The following CCDC171 variants were observed in gnomAD, a reference collection of about 807,000 sequenced individuals.
CCDC171 encodes coiled-coil domain-containing protein 171.
In CCDC171, 177 loss-of-function variants were observed where a neutral mutation model predicts 168.2. That is an observed-to-expected ratio of 1.05 (90% CI 0.93 to 1.19). The LOEUF (loss-of-function observed/expected upper bound fraction) is 1.19. CCDC171 is among the 50% of genes most tolerant of loss of function. CCDC171 has a pLI of 0.00. For missense variants in CCDC171, 1,991 were observed against 1,539.0 expected, an observed-to-expected ratio of 1.29 and a Z score of -4.91; for synonymous variants, 687 against 540.8, an observed-to-expected ratio of 1.27 and a Z score of -3.75.
At chr9:16,094,635 C>T in the CCDC171 span, among the ~76,000 whole-genome samples, 2 of 152,130 alleles carry the variant, frequency 1.3e-5, no homozygotes, top group Admixed American at 6.5e-5. Context: ...GAGTTTTCTC[C>T]TCAAGAGTGG....
At chr9:15,689,328 G>A (rs897471614) in intron 10 of CCDC171, among the ~76,000 whole-genome samples, 4 of 152,118 alleles carry the variant, frequency 2.6e-5, no homozygotes, top group Admixed American at 2.6e-4. Flanking sequence ...TTGACTTTTT[G>A]GAAGACAGCT....
the CCDC171 span, among the ~76,000 whole-genome samples, chr9:16,093,280 C>T: frequency 1.3e-5 from 2 of 152,170 alleles, no homozygotes; most frequent in Non-Finnish European, 1.5e-5. Flanking sequence ...TTATCCTGAC[C>T]TGGTGGAGTC....
At chr9:15,655,102 C>T (rs935340365) in intron 7 of CCDC171, among the ~76,000 whole-genome samples, 5 of 151,848 alleles carry the variant, frequency 3.3e-5, no homozygotes, top group African/African-American at 1.2e-4. Context: ...TTAATGGGTG[C>T]AGCACACCAA....
At chr9:15,746,768 A>G (rs2055317829) in intron 18 of CCDC171, among the ~76,000 whole-genome samples, 1 of 152,150 alleles carries the variant, frequency 6.6e-6, no homozygotes, top group South Asian at 2.1e-4. Context: ...GGTGCAGCCC[A>G]CGGAGGGTGA....
chr9:15,812,451 A>G (rs2059396881), intron 21 of CCDC171, among the ~76,000 whole-genome samples: 1 of 152,082 alleles, frequency 6.6e-6, no homozygotes, highest in Admixed American at 6.6e-5. Context: ...TGTGCTAAAA[A>G]CCCCACAAGT....
intron 18 of CCDC171, among the ~76,000 whole-genome samples, chr9:15,775,824 AAAG>A (rs1394071248): frequency 6.6e-6 from 1 of 152,214 alleles, no homozygotes; most frequent in Non-Finnish European, 1.5e-5. Context: ...ATGGAAATAA[AAAG>A]AAATATAATT....
At chr9:15,621,684 A>G (rs897518638) in intron 6 of CCDC171, among the ~76,000 whole-genome samples, 7 of 152,230 alleles carry the variant, frequency 4.6e-5, no homozygotes, top group Non-Finnish European at 8.8e-5. Flanking sequence ...ATTGGCAGGA[A>G]TGTAAGTTCA....
Position 15,850,841 on chromosome 9 carries a change from A to G in CCDC171, c.3468+1894A>G, listed in dbSNP as rs986834052. 2.6e-5 allele frequency among the ~76,000 whole-genome samples: 4 copies of G among 152,072 alleles called. No individual in the cohort carries two copies. In the South Asian group the frequency reaches 8.3e-4, roughly 31 times the overall value. Reference sequence around the variant, plus strand: ...ATGAAACAAAGAGTAGTATGGAAGGAGGGTCCAGGCTCTTTCATGGGATGG... The same window carrying G: ...ATGAAACAAAGAGTAGTATGGAAGGGGGGTCCAGGCTCTTTCATGGGATGG... On this transcript the variant is annotated intron_variant, in intron 23 of 25. Coordinates refer to ENST00000380701, the MANE Select transcript of CCDC171 (RefSeq NM_173550.4).
rs146608101 is a variant in CCDC171, at chr9:16,001,146, G to C, written n.369-19443G>C. Among the ~76,000 whole-genome samples, 258 of 152,254 alleles carry C rather than the reference G, an allele frequency of 1.7e-3. 2 individuals are homozygous for C. The highest frequency in any genetic ancestry group is 5.8e-3 in the African/African-American group (240 of 41,548). On this transcript the variant is annotated intron_variant and non_coding_transcript_variant, in intron 3 of 9. Coordinates refer to the CCDC171 transcript ENST00000486641. ...AAGGGCCTCACCTTTTCAGGATTCA[G>C]TTGCCTAGAAAATCAAGATAGGAAC... is the stretch of plus-strand genomic sequence containing the variant.
chr9:15,784,764 A>G lies in CCDC171; in HGVS notation c.3267+70A>G, dbSNP rs1047001225. The G allele has an allele frequency of 3.8e-5, 44 of 1,154,450 alleles. No individual in the cohort carries two copies. The East Asian group carries it at 1.0e-3, about 26-fold the overall frequency. The allele number at this position is 1,154,450 out of a possible 1,614,324, so 71.5% of individuals were successfully genotyped here. A position where few individuals can be genotyped will look rare whatever the true frequency, so the allele number is the denominator to read the frequency against. On this transcript the variant is annotated intron_variant, in intron 21 of 25. Coordinates refer to ENST00000380701, the MANE Select transcript of CCDC171 (RefSeq NM_173550.4). ...TGTGTGGATCTTAGAGGGAATTATG[A>G]TATCTCCTGAATAGGAATAGATCCC...
At chr9:15,559,342 C>G (rs935664395) in intron 1 of CCDC171, among the ~76,000 whole-genome samples, 1 of 151,946 alleles carries the variant, frequency 6.6e-6, no homozygotes, top group Admixed American at 6.6e-5. Flanking sequence ...GTTTTAAAGT[C>G]TCCCATTATT....
At chr9:15,953,428 C>T (rs1039359657) in intron 25 of CCDC171, among the ~76,000 whole-genome samples, 2 of 152,034 alleles carry the variant, frequency 1.3e-5, no homozygotes, top group African/African-American at 4.8e-5. Context: ...ATGCGTGTAT[C>T]GAGATGATCA....
chr9:15,790,549 C>T lies in CCDC171; in HGVS notation c.3267+5855C>T, dbSNP rs192786714. ...ATTTTTCTCCCATCCTGTAGGTTGC[C>T]TGTTCACTCTGATGGTAGTTTCTTT... is the stretch of plus-strand genomic sequence containing the variant. On this transcript the variant is annotated intron_variant, in intron 21 of 25. Coordinates refer to ENST00000380701, the MANE Select transcript of CCDC171 (RefSeq NM_173550.4). Among the ~76,000 whole-genome samples, 667 of 152,286 alleles carry T rather than the reference C, an allele frequency of 4.4e-3. 4 individuals are homozygous for T. Among genetic ancestry groups the T allele is most frequent in the Non-Finnish European group, 5.0e-3 (340 of 68,020 alleles).
chr9:15,774,751 A>G (rs757322550), intron 18 of CCDC171, among the ~76,000 whole-genome samples: 16 of 152,270 alleles, frequency 1.1e-4, no homozygotes, highest in Non-Finnish European at 2.9e-5. Context: ...TGGTATCTAT[A>G]TACCATGGAA....
At chr9:15,574,038 C>T (rs1007068363) in intron 3 of CCDC171, among the ~76,000 whole-genome samples, 3 of 152,050 alleles carry the variant, frequency 2.0e-5, no homozygotes, top group African/African-American at 7.2e-5. Context: ...TAGAAATTAT[C>T]TTAGGGAAGG....
chr9:15,722,776 C>T (rs1348891503), intron 12 of CCDC171, among the ~76,000 whole-genome samples: 2 of 151,998 alleles, frequency 1.3e-5, no homozygotes, highest in Admixed American at 6.6e-5. Flanking sequence ...CTTTTTAATA[C>T]CCTCGGTAAT....
At chr9:15,948,270 A>G (rs1367693051) in intron 25 of CCDC171, among the ~76,000 whole-genome samples, 3 of 148,392 alleles carry the variant, frequency 2.0e-5, no homozygotes, top group East Asian at 4.1e-4. Flanking sequence ...ATTGTGAATA[A>G]TGCCGCAATA....
In CCDC171 at chr9:15,631,212, A is replaced by G. The variant is rs1305964111; in HGVS notation, c.822+7799A>G. Among the ~76,000 whole-genome samples the G allele has an allele frequency of 5.9e-5, 9 of 152,222 alleles. No homozygotes were observed. In the East Asian group the frequency reaches 1.7e-3, roughly 29 times the overall value. ...GAAATAGAAACACAAAAAACCCTTC[A>G]AAAAATTAATGAATCCAGAAGCTGG... On this transcript the variant is annotated intron_variant, in intron 7 of 25. Coordinates refer to ENST00000380701, the MANE Select transcript of CCDC171 (RefSeq NM_173550.4).
At chr9:15,584,197 T>C (rs2041374449) in intron 4 of CCDC171, among the ~76,000 whole-genome samples, 1 of 152,216 alleles carries the variant, frequency 6.6e-6, no homozygotes, top group Admixed American at 6.5e-5. Context: ...ACTGTTAAGA[T>C]CCTTAGTTTT....
Sources: allele counts gnomAD v4.1 joint callset (sites outside exome capture counted in the v4.1 genomes callset), GRCh38; gene constraint gnomAD v4.1.1; transcripts MANE v1.5; gene names NCBI Gene and HGNC (gene_info 2026-07-23, HGNC 2026-07-21).